GPC5: variants seen among roughly 807,000 people sequenced by gnomAD.
The protein encoded by GPC5 is glypican 5.
GPC5 carries 47 observed loss-of-function variants against 53.9 expected under a neutral mutation model. That is an observed-to-expected ratio of 0.87 (90% CI 0.69 to 1.11). The LOEUF (loss-of-function observed/expected upper bound fraction) is 1.11, where lower values mean the gene tolerates loss of function less well. GPC5 is among the 50% of genes most tolerant of loss of function. GPC5 has a pLI of 0.00. For synonymous variants in GPC5, 286 were observed against 263.3 expected (o/e 1.09, Z -0.84); for missense variants, 748 against 713.1 (o/e 1.05, Z -0.56).
intron 1 of GPC5, among the ~76,000 whole-genome samples, chr13:91,442,078 TA>T (rs1385600530): frequency 1.3e-5 from 2 of 152,304 alleles, no homozygotes; most frequent in Admixed American, 1.3e-4. Context: ...AATCCTACCT[TA>T]AAAATATTTT....
At chr13:92,396,312 G>A (rs1033051634) in intron 7 of GPC5, among the ~76,000 whole-genome samples, 4 of 152,000 alleles carry the variant, frequency 2.6e-5, no homozygotes, top group African/African-American at 9.7e-5. Flanking sequence ...TTTATTTGTA[G>A]CATTTCCTTT....
intron 7 of GPC5, among the ~76,000 whole-genome samples, chr13:92,342,189 A>G (rs527542001): frequency 2.6e-5 from 4 of 152,232 alleles, no homozygotes; most frequent in African/African-American, 9.6e-5. Flanking sequence ...ACTTTGACCT[A>G]TTCAGTTGCC....
chr13:91,504,524 G>A (rs1439384387), intron 2 of GPC5, among the ~76,000 whole-genome samples: 1 of 152,024 alleles, frequency 6.6e-6, no homozygotes, highest in Non-Finnish European at 1.5e-5. Context: ...TATTAGCATT[G>A]TTCTTATATA....
intron 4 of GPC5, among the ~76,000 whole-genome samples, chr13:91,735,674 C>T (rs1475789863): frequency 5.3e-5 from 8 of 151,212 alleles, no homozygotes. Flanking sequence ...TTTCTGAACT[C>T]TGTTTCTAAT....
chr13:91,942,821 T>TGAGG (rs1364966174), intron 6 of GPC5, among the ~76,000 whole-genome samples: 1 of 152,118 alleles, frequency 6.6e-6, no homozygotes, highest in Non-Finnish European at 1.5e-5. Context: ...ACATAGGCAC[T>TGAGG]GAGGGAATCA....
At chr13:92,501,701 T>C (rs1419658698) in intron 7 of GPC5, among the ~76,000 whole-genome samples, 1 of 152,010 alleles carries the variant, frequency 6.6e-6, no homozygotes, top group Non-Finnish European at 1.5e-5. Context: ...GAGAAAACTG[T>C]TTAAATGTTT....
Position 92,437,144 on chromosome 13 carries a change from T to C in GPC5, c.1561+292155T>C, listed in dbSNP as rs1594201625. 2.0e-5 allele frequency among the ~76,000 whole-genome samples: 3 copies of C among 149,910 alleles called. No individual in the cohort carries two copies. In the East Asian group the frequency reaches 6.2e-4, roughly 31 times the overall value. On this transcript the variant is annotated intron_variant, in intron 7 of 7. Coordinates refer to ENST00000377067, the MANE Select transcript of GPC5 (RefSeq NM_004466.6). The stretch of plus-strand genomic sequence containing the variant: ...CTCTGACATAGATTTAAGAGTTGCC[T>C]CTGGGAAAGATGGCAAGTCAAAACA...
At chr13:92,525,560 G>T (rs1400120786) in intron 7 of GPC5, among the ~76,000 whole-genome samples, 1 of 150,138 alleles carries the variant, frequency 6.7e-6, no homozygotes, top group African/African-American at 2.4e-5. Context: ...AAATATAATG[G>T]CAGAAAGTTA....
chr13:92,570,028 C>G (rs539237119), intron 7 of GPC5, among the ~76,000 whole-genome samples: 1 of 152,066 alleles, frequency 6.6e-6, no homozygotes, highest in African/African-American at 2.4e-5. Context: ...AGCTGACACT[C>G]GATCCTCTAT....
intron 6 of GPC5, among the ~76,000 whole-genome samples, chr13:92,121,703 A>G (rs1180286438): frequency 6.6e-6 from 1 of 152,180 alleles, no homozygotes; most frequent in African/African-American, 2.4e-5. Flanking sequence ...CCAGACTATC[A>G]GGACAATTCT....
Position 92,483,991 on chromosome 13 carries a change from G to T in GPC5, c.1561+339002G>T, listed in dbSNP as rs192494903. On this transcript the variant is annotated intron_variant, in intron 7 of 7. Coordinates refer to ENST00000377067, the MANE Select transcript of GPC5 (RefSeq NM_004466.6). The stretch of plus-strand genomic sequence containing the variant: ...TCTCTACAAAACATTTAAAATAACT[G>T]GCCAGGTATAATGGCATGCACAGGT... 2.4e-4 allele frequency among the ~76,000 whole-genome samples: 37 copies of T among 152,108 alleles called. No homozygotes were observed. The East Asian group carries it at 5.6e-3, about 23-fold the overall frequency.
At chr13:92,360,057 G>C (rs759915242) in intron 7 of GPC5, among the ~76,000 whole-genome samples, 1 of 151,548 alleles carries the variant, frequency 6.6e-6, no homozygotes, top group African/African-American at 2.4e-5. Context: ...TCCTTTTGCT[G>C]TGCAGAAGCT....
intron 2 of GPC5, among the ~76,000 whole-genome samples, chr13:91,642,451 G>C (rs1414892780): frequency 6.6e-6 from 1 of 152,204 alleles, no homozygotes; most frequent in Non-Finnish European, 1.5e-5. Context: ...GGAGTGGCTA[G>C]AGAGATACAA....
chr13:91,968,876 T>C (rs1322413220), intron 6 of GPC5, among the ~76,000 whole-genome samples: 3 of 152,160 alleles, frequency 2.0e-5, no homozygotes, highest in African/African-American at 4.8e-5. Flanking sequence ...CTACTTATTT[T>C]CCTTATTTTT....
Position 92,646,930 on chromosome 13 carries a change from ATG to A in GPC5, c.1562-219316_1562-219315del, listed in dbSNP as rs753380099. Among the ~76,000 whole-genome samples, 1,352 of 146,528 alleles carry A rather than the reference ATG, an allele frequency of 9.2e-3. 14 individuals are homozygous for A. Among genetic ancestry groups the A allele is most frequent in the African/African-American group, 0.027 (1,067 of 39,340 alleles). ...CATATATATGTAAATATATATAAAC[ATG>A]TGTGTGTGTGTGTGTGTGTGTGTGT... On this transcript the variant is annotated intron_variant, in intron 7 of 7. Coordinates refer to ENST00000377067, the MANE Select transcript of GPC5 (RefSeq NM_004466.6).
intron 5 of GPC5, among the ~76,000 whole-genome samples, chr13:91,842,033 T>C (rs2038793531): frequency 6.6e-6 from 1 of 152,182 alleles, no homozygotes; most frequent in Non-Finnish European, 1.5e-5. Flanking sequence ...AGACACGGCT[T>C]TATTGTAGTA....
chr13:91,674,358 CT>C (rs1488171015), intron 2 of GPC5, among the ~76,000 whole-genome samples: 2 of 151,210 alleles, frequency 1.3e-5, no homozygotes, highest in Non-Finnish European at 2.9e-5. Flanking sequence ...TTCAAATATC[CT>C]GGTTTACCAC....
chr13:91,770,704 T>TTGTG (rs71113759), intron 5 of GPC5, among the ~76,000 whole-genome samples: 11,600 of 145,582 alleles, frequency 0.08, 634 homozygotes, highest in African/African-American at 0.15. Context: ...GACTGTGTGT[T>TTGTG]TGTGTGTGTG....
At chr13:92,386,270 C>T (rs1449273621) in intron 7 of GPC5, among the ~76,000 whole-genome samples, 1 of 151,932 alleles carries the variant, frequency 6.6e-6, no homozygotes, top group Non-Finnish European at 1.5e-5. Context: ...GAAATTTTGG[C>T]TGAAACCTTT....
Sources: gnomAD v4.1 joint callset for allele counts (sites outside exome capture counted in the v4.1 genomes callset) on GRCh38, gnomAD v4.1.1 for gene constraint, MANE v1.5 for transcripts, NCBI Gene and HGNC (gene_info 2026-07-23, HGNC 2026-07-21) for gene names.